The following SEC24D variants were observed in gnomAD, a reference collection of about 807,000 sequenced individuals.
SEC24D encodes protein transport protein Sec24D.
In SEC24D, 69 loss-of-function variants were observed where a neutral mutation model predicts 116.9. That is an observed-to-expected ratio of 0.59 (90% confidence interval 0.49 to 0.72). The LOEUF (loss-of-function observed/expected upper bound fraction) is 0.72, where lower values mean the gene tolerates loss of function less well. SEC24D is among the 30% of genes least tolerant of loss of function. The pLI, the probability that SEC24D is intolerant of heterozygous loss-of-function variation, is 0.00. For missense variants in SEC24D, 1,131 were observed against 1,264.1 expected, an observed-to-expected ratio of 0.89 and a Z score of 1.60; for synonymous variants, 405 against 442.8, an observed-to-expected ratio of 0.91 and a Z score of 1.07.
At chr4:118,782,242 G>C (rs1039001275) in intron 8 of SEC24D, among the ~76,000 whole-genome samples, 2 of 152,144 alleles carry the variant, frequency 1.3e-5, no homozygotes, top group African/African-American at 4.8e-5. Context: ...TTTGGTCTTT[G>C]ATGTTGGTGA....
rs1727646572 is a variant in SEC24D, at chr4:118,766,407, A to G, written c.1181-1490T>C. On this transcript the variant is annotated intron_variant, in intron 9 of 22. Coordinates refer to ENST00000280551, the MANE Select transcript of SEC24D (RefSeq NM_014822.4). ...CAAACCTCTGTCTTTGTTAAACCTA[A>G]AAGAAGACAGGTGTCAGCATACATC... 3.3e-5 allele frequency: 5 copies of G among 152,276 alleles called. No individual in the cohort carries two copies. The South Asian group carries it at 1.0e-3, about 32-fold the overall frequency. 9.4% of individuals were successfully genotyped at this position (152,276 alleles called of 1,614,324 possible).
intron 8 of SEC24D, among the ~76,000 whole-genome samples, 179 bp from the exon 9 acceptor site, chr4:118,768,490 G>T (rs1287605473): frequency 2.0e-5 from 3 of 151,822 alleles, no homozygotes; most frequent in African/African-American, 7.3e-5. Context: ...CACCTACAGG[G>T]TTCAAGCGAT....
chr4:118,823,148 G>C (rs1213661179), intron 3 of SEC24D, among the ~76,000 whole-genome samples: 1 of 152,108 alleles, frequency 6.6e-6, no homozygotes, highest in African/African-American at 2.4e-5. Context: ...TTCCTCTCTT[G>C]CCTTTCTATC....
At chr4:118,780,018 G>A (rs543810936) in intron 8 of SEC24D, among the ~76,000 whole-genome samples, 77 of 151,998 alleles carry the variant, frequency 5.1e-4, no homozygotes, top group African/African-American at 1.4e-3. Flanking sequence ...TCTTGCTAGC[G>A]GTCTATCAAT....
In SEC24D at chr4:118,776,383, A is replaced by G. The variant is rs116697840; in HGVS notation, c.1042-8072T>C. Reference sequence around the variant, plus strand: ...GAGGGCTTGTTGGTGGGAAGGTCACATTAAACTGTACACTGAAGTCTATGA... The same window carrying G: ...GAGGGCTTGTTGGTGGGAAGGTCACGTTAAACTGTACACTGAAGTCTATGA... On this transcript the variant is annotated intron_variant, in intron 8 of 22. Transcript: ENST00000280551. 2.5e-3 allele frequency among the ~76,000 whole-genome samples: 376 copies of G among 152,334 alleles called. 1 individual carries two copies. The highest frequency in any genetic ancestry group is 8.6e-3 in the African/African-American group (359 of 41,588).
intron 1 of SEC24D, among the ~76,000 whole-genome samples, chr4:118,834,415 T>G (rs1400161611): frequency 6.6e-6 from 1 of 152,100 alleles, no homozygotes; most frequent in African/African-American, 2.4e-5. Flanking sequence ...TTTAGGGGAC[T>G]AAGGAAAAAA....
chr4:118,775,754 T>C (rs978768869), intron 8 of SEC24D, among the ~76,000 whole-genome samples: 6 of 152,166 alleles, frequency 3.9e-5, no homozygotes, highest in Non-Finnish European at 5.9e-5. Context: ...CTTGGGAAAA[T>C]AGTACATGTG....
In SEC24D at chr4:118,817,350, G is replaced by A. The variant is rs893941595; in HGVS notation, c.311C>T (p.Ala104Val). 5 of 1,613,826 alleles carry A rather than the reference G, an allele frequency of 3.1e-6. No individual in the cohort carries two copies. The African/African-American group carries it at 6.7e-5, about 22-fold the overall frequency. The change falls in exon 4 of 23, where the codon GCA (alanine) becomes GTA (valine). Residue 104 changes from alanine to valine, a missense_variant. Physicochemically the swap from Ala to Val is moderately conservative, Grantham distance 64 (BLOSUM62 0). Transcript: ENST00000280551. ...ASSHAPYQPS[A>V]QSSYPGPIST... is the part of the protein sequence containing the mutation. ...TATAGGACCTGGATAAGAAGATTGT[G>A]CAGAGGGTTGGTATGGTGCATGTGA...
chr4:118,752,128 G>T, intron 12 of SEC24D, 39 bp from the exon 13 acceptor site: 1 of 1,310,950 alleles, frequency 7.6e-7, no homozygotes, highest in Non-Finnish European at 1.1e-6. Flanking sequence ...GAAATGTTTA[G>T]CATATTTTAA....
intron 22 of SEC24D, among the ~76,000 whole-genome samples, chr4:118,724,244 G>A (rs545574906): frequency 6.6e-6 from 1 of 152,184 alleles, no homozygotes; most frequent in East Asian, 1.9e-4. Flanking sequence ...GGTGGAAAGG[G>A]GGTAGATTGG....
intron 8 of SEC24D, among the ~76,000 whole-genome samples, chr4:118,792,045 G>A (rs1172598347): frequency 6.7e-6 from 1 of 150,248 alleles, no homozygotes; most frequent in Non-Finnish European, 1.5e-5. Flanking sequence ...AGTGAGGAGC[G>A]TCTCTGCCTG....
intron 10 of SEC24D, chr4:118,760,469 ATGT>A (rs1727319578): frequency 2.0e-5 from 3 of 152,158 alleles, no homozygotes; most frequent in African/African-American, 7.2e-5. Context: ...ACATTCATCC[ATGT>A]TGTAGCATGG....
intron 19 of SEC24D, among the ~76,000 whole-genome samples, chr4:118,737,548 T>C (rs1726023546): frequency 1.3e-5 from 2 of 152,316 alleles, no homozygotes; most frequent in African/African-American, 4.8e-5. Context: ...TAGAAAGTTT[T>C]CCCATCTATT....
At chr4:118,731,206 A>T in intron 21 of SEC24D, 110 bp downstream of exon 21, 1 of 854,414 alleles carries the variant, frequency 1.2e-6, no homozygotes, top group Non-Finnish European at 1.9e-6. Context: ...ATATACAGAA[A>T]TATATGCCTT....
At chr4:118,787,202 A>G (rs1728693389) in intron 8 of SEC24D, among the ~76,000 whole-genome samples, 1 of 152,224 alleles carries the variant, frequency 6.6e-6, no homozygotes, top group African/African-American at 2.4e-5. Flanking sequence ...AAGTAACTTG[A>G]TAAAACAAAG....
At chr4:118,762,540 A>C (rs1308189622) in intron 10 of SEC24D, among the ~76,000 whole-genome samples, 1 of 138,556 alleles carries the variant, frequency 7.2e-6, no homozygotes, top group Admixed American at 8.2e-5. Flanking sequence ...CATTAAGATG[A>C]GCCAAGATGA....
intron 11 of SEC24D, among the ~76,000 whole-genome samples, chr4:118,754,731 C>A (rs1468716767): frequency 6.6e-6 from 1 of 152,112 alleles, no homozygotes; most frequent in Non-Finnish European, 1.5e-5. Context: ...TTAGAACCAG[C>A]CTGGCTAGAA....
In SEC24D at chr4:118,793,466, CAAAAAAAAAAAAA is replaced by C. The variant is rs70944815; in HGVS notation, c.1041+4204_1041+4216del. ...TGGGCGACAGAGCGAGACTCCGTCT[CAAAAAAAAAAAAA>C]AAAAAAAAAAAAAGAAGGCCCAAAC... On this transcript the variant is annotated intron_variant, in intron 8 of 22. Coordinates refer to ENST00000280551, the MANE Select transcript of SEC24D (RefSeq NM_014822.4). Among the ~76,000 whole-genome samples the C allele has an allele frequency of 4.8e-3, 333 of 69,302 alleles. 2 individuals carry two copies. The highest frequency in any genetic ancestry group is 0.019 in the African/African-American group (311 of 16,222). The allele number at this position is 69,302 out of a possible 152,430, so 45.5% of individuals were successfully genotyped here. A position where few individuals can be genotyped will look rare whatever the true frequency, so the allele number is the denominator to read the frequency against.
rs781041274 is a variant in SEC24D at position 118,740,784 on chromosome 4, C to G, written c.2117G>C (p.Gly706Ala). Residue 706 changes from glycine to alanine, a missense_variant, in exon 17 of 23, where the codon GGT becomes GCT. Gly to Ala is a moderately conservative substitution (Grantham distance 60). Coordinates refer to ENST00000280551, the MANE Select transcript of SEC24D (RefSeq NM_014822.4). ...STGFRATDFF[G>A]GILMNNTTDV... ...GGTGGTGTTGTTCATCAAGATTCCA[C>G]CAAAGAAATCAGTGGCTCTGAAACC... 5 of 1,613,660 alleles carry G rather than the reference C, an allele frequency of 3.1e-6. No homozygotes were observed. The African/African-American group carries it at 6.7e-5, about 22-fold the overall frequency.
Sources: gnomAD v4.1 joint callset for allele counts (sites outside exome capture counted in the v4.1 genomes callset) on GRCh38, gnomAD v4.1.1 for gene constraint, MANE v1.5 for transcripts, NCBI Gene and HGNC (gene_info 2026-07-23, HGNC 2026-07-21) for gene names.